The following TMEM51 variants were observed in gnomAD, a reference collection of about 807,000 sequenced individuals.
The protein encoded by TMEM51 is transmembrane protein 51.
A neutral mutation model predicts 13.6 loss-of-function variants in TMEM51; 8 were observed. That is an observed-to-expected ratio of 0.59 (90% CI 0.35 to 1.07). The LOEUF is 1.07. Ranked by LOEUF, TMEM51 falls within the 50% of genes least tolerant of loss-of-function variation. The pLI is 0.02. For synonymous variants in TMEM51, 147 were observed against 144.4 expected (o/e 1.02, Z -0.13); for missense variants, 279 against 330.7 (o/e 0.84, Z 1.21).
At chr1:15,184,338 C>G (rs1643707531) in intron 1 of TMEM51, among the ~76,000 whole-genome samples, 1 of 152,212 alleles carries the variant, frequency 6.6e-6, no homozygotes, top group Non-Finnish European at 1.5e-5. Context: ...CCTTTCTCAC[C>G]AGCTCTCAGG....
intron 3 of TMEM51, among the ~76,000 whole-genome samples, chr1:15,216,190 C>T (rs1043198352): frequency 6.6e-6 from 1 of 152,270 alleles, no homozygotes; most frequent in African/African-American, 2.4e-5. Context: ...CCCCAGCATG[C>T]TGTGTGTATG....
intron 1 of TMEM51, among the ~76,000 whole-genome samples, chr1:15,191,209 G>A (rs966416928): frequency 2.0e-5 from 3 of 152,206 alleles, no homozygotes; most frequent in Non-Finnish European, 4.4e-5. Flanking sequence ...AGCCAACAAG[G>A]GCAGGTGGCC....
At chr1:15,199,780 C>G (rs1224143598) in intron 1 of TMEM51, among the ~76,000 whole-genome samples, 1 of 152,126 alleles carries the variant, frequency 6.6e-6, no homozygotes, top group Non-Finnish European at 1.5e-5. Context: ...CACGCTCACC[C>G]CTCAACCCTA....
At chr1:15,216,785 T>C (rs1644439039) in intron 3 of TMEM51, among the ~76,000 whole-genome samples, 1 of 152,202 alleles carries the variant, frequency 6.6e-6, no homozygotes, top group Non-Finnish European at 1.5e-5. Flanking sequence ...TTGATCTATA[T>C]TTGTTAATGT....
chr1:15,153,541 A>G (rs1642468346), upstream of TMEM51, among the ~76,000 whole-genome samples: 1 of 151,792 alleles, frequency 6.6e-6, no homozygotes, highest in African/African-American at 2.4e-5. Context: ...CCCCCGGCAC[A>G]CGCTCAGCGC....
At chr1:15,162,679 A>C (rs962518591) in intron 1 of TMEM51, among the ~76,000 whole-genome samples, 1 of 152,108 alleles carries the variant, frequency 6.6e-6, no homozygotes, top group Non-Finnish European at 1.5e-5. Flanking sequence ...AATATTATTC[A>C]GCCTCCATGT....
chr1:15,198,442 A>T (rs1210030938), intron 1 of TMEM51, among the ~76,000 whole-genome samples: 1 of 152,074 alleles, frequency 6.6e-6, no homozygotes, highest in African/African-American at 2.4e-5. Flanking sequence ...TTTGAAACAG[A>T]GTCTCACTGT....
At chr1:15,171,362 T>C (rs1643266731) in intron 1 of TMEM51, 2 of 1,262,584 alleles carry the variant, frequency 1.6e-6, no homozygotes, top group Non-Finnish European at 2.1e-6. Context: ...TATGCATTCA[T>C]AGGGGGGGCG....
intron 1 of TMEM51, among the ~76,000 whole-genome samples, chr1:15,169,283 G>T (rs185444448): frequency 1.0e-3 from 156 of 152,246 alleles, no homozygotes; most frequent in African/African-American, 3.4e-3. Context: ...CTTCAGAACT[G>T]GGAAGTGGGA....
chr1:15,211,933 G>C (rs761708910), intron 2 of TMEM51, among the ~76,000 whole-genome samples: 2 of 148,296 alleles, frequency 1.3e-5, no homozygotes, highest in Non-Finnish European at 2.9e-5. Context: ...ATATTCATCT[G>C]TGTATGGAGA....
At chr1:15,171,119 C>T in intron 1 of TMEM51, 1 of 809,554 alleles carries the variant, frequency 1.2e-6, no homozygotes, top group Non-Finnish European at 1.8e-6. Flanking sequence ...CCCGCCACAT[C>T]CCCCACCCCC....
intron 1 of TMEM51, among the ~76,000 whole-genome samples, chr1:15,179,626 T>C (rs1643554702): frequency 6.6e-6 from 1 of 151,836 alleles, no homozygotes; most frequent in South Asian, 2.1e-4. Context: ...CTACAAAAAA[T>C]ATAAAAATTA....
At chr1:15,182,470 A>G (rs1465423117) in intron 1 of TMEM51, among the ~76,000 whole-genome samples, 1 of 152,226 alleles carries the variant, frequency 6.6e-6, no homozygotes, top group African/African-American at 2.4e-5. Context: ...CTCCGAGTTG[A>G]GCTGTTCAAG....
chr1:15,219,302 C>T (rs2100371189), intron 3 of TMEM51, 24 bp from the exon 4 acceptor site: 1 of 1,556,920 alleles, frequency 6.4e-7, no homozygotes, highest in Non-Finnish European at 8.7e-7. Context: ...CTAACACTCT[C>T]CCTGTCTGTG....
At position 15,154,773 on chromosome 1, in the gene TMEM51, C is replaced by A. The variant is rs184747075; in HGVS notation, c.-267+819C>A. The stretch of plus-strand genomic sequence containing the variant: ...CCCCCACGGTTTCCCCAGGGAGCAG[C>A]CCGTGGGGTGTCCTGCGCAGCGCTC... On this transcript the variant is annotated intron_variant, in intron 1 of 3. Coordinates refer to ENST00000376008, the MANE Select transcript of TMEM51 (RefSeq NM_001136218.2). Among the ~76,000 whole-genome samples, 15 of 152,270 alleles carry A rather than the reference C, an allele frequency of 9.9e-5. No homozygotes were observed. The East Asian group carries it at 2.9e-3, about 30-fold the overall frequency.
intron 1 of TMEM51, among the ~76,000 whole-genome samples, chr1:15,182,034 A>G (rs10927703): frequency 0.43 from 65,326 of 151,134 alleles, 14,969 homozygotes; most frequent in East Asian, 0.87. Context: ...GGTGGTGTGC[A>G]CCTGTAATCC....
At chr1:15,204,603 C>T (rs1160805516) in intron 1 of TMEM51, among the ~76,000 whole-genome samples, 3 of 152,178 alleles carry the variant, frequency 2.0e-5, no homozygotes, top group Non-Finnish European at 4.4e-5. Context: ...TCTGCTGCTC[C>T]GTGAATGAGG....
rs1033765258 is a variant in TMEM51, at chr1:15,179,688, G to A, written c.-267+25734G>A. Among the ~76,000 whole-genome samples, 6 of 152,188 alleles carry A rather than the reference G, an allele frequency of 3.9e-5. No individual in the cohort carries two copies. The South Asian group carries it at 6.2e-4, about 16-fold the overall frequency. ...CCTCAGCTACTTGGGAGGCTGAAAC[G>A]GGAAGGATGGCTTGAGCCCAGGAGT... On this transcript the variant is annotated intron_variant, in intron 1 of 3. Transcript: ENST00000376008.
intron 1 of TMEM51, among the ~76,000 whole-genome samples, chr1:15,197,039 G>T (rs1395052062): frequency 2.0e-5 from 3 of 152,208 alleles, no homozygotes; most frequent in African/African-American, 7.2e-5. Context: ...CTGCCGTTTG[G>T]TTCTGCTTTT....
Sources: gnomAD v4.1 joint callset for allele counts (sites outside exome capture counted in the v4.1 genomes callset) on GRCh38, gnomAD v4.1.1 for gene constraint, MANE v1.5 for transcripts, NCBI Gene and HGNC (gene_info 2026-07-23, HGNC 2026-07-21) for gene names.